KIAA1328: variants seen among roughly 807,000 people sequenced by gnomAD.
The protein encoded by KIAA1328 is protein hinderin.
In KIAA1328, 52 loss-of-function variants were observed where a neutral mutation model predicts 68.1. The ratio of observed to expected loss-of-function variants is 0.76; its 90% CI spans 0.61 to 0.96. The LOEUF (loss-of-function observed/expected upper bound fraction) is 0.96. Among genes scored for constraint, KIAA1328 ranks in the 40% least tolerant of loss-of-function variants. The probability of loss-of-function intolerance (pLI) is 0.00; values close to 1 mark genes in which losing one functional copy is unlikely to be tolerated. For missense variants in KIAA1328, 641 were observed against 677.6 expected, an observed-to-expected ratio of 0.95 and a Z score of 0.60; for synonymous variants, 232 against 239.4, an observed-to-expected ratio of 0.97 and a Z score of 0.28.
chr18:37,013,489 GC>G (rs2054045982), intron 6 of KIAA1328, among the ~76,000 whole-genome samples: 2 of 151,906 alleles, frequency 1.3e-5, no homozygotes, highest in Admixed American at 6.6e-5. Context: ...TTCATACTTT[GC>G]CCATCCCCCT....
At chr18:36,873,662 G>A (rs1261967797) in intron 4 of KIAA1328, among the ~76,000 whole-genome samples, 4 of 152,018 alleles carry the variant, frequency 2.6e-5, no homozygotes, top group Non-Finnish European at 5.9e-5. Flanking sequence ...ATTTTCTGTA[G>A]ATTCCCCAAT....
chr18:36,861,182 T>G (rs746304174), intron 4 of KIAA1328, among the ~76,000 whole-genome samples: 1 of 152,192 alleles, frequency 6.6e-6, no homozygotes, highest in South Asian at 2.1e-4. Flanking sequence ...TTCCAAGTCT[T>G]GACACTTTTG....
intron 7 of KIAA1328, among the ~76,000 whole-genome samples, chr18:37,096,857 C>T (rs1409077524): frequency 1.3e-5 from 2 of 152,154 alleles, no homozygotes; most frequent in Non-Finnish European, 2.9e-5. Flanking sequence ...TGTCTTTTGG[C>T]TGCATAAATG....
At chr18:36,853,137 A>G (rs906026228) in intron 4 of KIAA1328, among the ~76,000 whole-genome samples, 44 of 152,316 alleles carry the variant, frequency 2.9e-4, no homozygotes, top group African/African-American at 1.0e-3. Flanking sequence ...CTTGAATGGA[A>G]TAAATTTTTC....
intron 6 of KIAA1328, among the ~76,000 whole-genome samples, chr18:37,047,772 C>T (rs1477537016): frequency 6.6e-6 from 1 of 152,120 alleles, no homozygotes; most frequent in Non-Finnish European, 1.5e-5. Context: ...AAATGGTTTT[C>T]CCCTTTTGCC....
chr18:37,144,719 G>A (rs1317028815), intron 7 of KIAA1328, among the ~76,000 whole-genome samples: 1 of 151,824 alleles, frequency 6.6e-6, no homozygotes, highest in Admixed American at 6.6e-5. Context: ...TTGTAGAGTT[G>A]GGGTTTCGCC....
At chr18:37,045,587 A>T (rs1201982891) in intron 6 of KIAA1328, among the ~76,000 whole-genome samples, 2 of 152,078 alleles carry the variant, frequency 1.3e-5, no homozygotes, top group Non-Finnish European at 2.9e-5. Flanking sequence ...ATCAGTCATA[A>T]TCTTAAAACA....
chr18:37,010,219 C>T (rs1027508522), intron 6 of KIAA1328, among the ~76,000 whole-genome samples: 9 of 151,596 alleles, frequency 5.9e-5, no homozygotes, highest in African/African-American at 1.5e-4. Context: ...CCGAGGCGGG[C>T]GGATCACAAG....
At chr18:36,931,391 G>A (rs1322886905) in intron 5 of KIAA1328, among the ~76,000 whole-genome samples, 3 of 151,956 alleles carry the variant, frequency 2.0e-5, no homozygotes, top group South Asian at 2.1e-4. Context: ...CTGTACACGC[G>A]AGGGATCTAG....
chr18:37,228,334 A>G (rs2154228246), downstream of KIAA1328, among the ~76,000 whole-genome samples: 1 of 152,348 alleles, frequency 6.6e-6, no homozygotes, highest in Non-Finnish European at 1.5e-5. Flanking sequence ...AAGATGTTCT[A>G]CAGTGGGTAA....
At chr18:36,921,633 T>C (rs1436098363) in intron 5 of KIAA1328, among the ~76,000 whole-genome samples, 1 of 152,124 alleles carries the variant, frequency 6.6e-6, no homozygotes, top group East Asian at 1.9e-4. Context: ...CTCGATCACC[T>C]GACCTCGTGA....
chr18:36,932,698 A>AG (rs1204268614), intron 5 of KIAA1328, among the ~76,000 whole-genome samples: 2 of 152,204 alleles, frequency 1.3e-5, no homozygotes, highest in Non-Finnish European at 2.9e-5. Flanking sequence ...GAAGTCTCCA[A>AG]AACTCTCAAC....
chr18:36,943,384 T>A (rs1845807231), intron 5 of KIAA1328, among the ~76,000 whole-genome samples: 1 of 152,208 alleles, frequency 6.6e-6, no homozygotes, highest in African/African-American at 2.4e-5. Context: ...TCTGTGTGTC[T>A]TAAAACACAG....
chr18:36,856,323 C>T (rs895237415), intron 4 of KIAA1328, among the ~76,000 whole-genome samples: 2 of 151,942 alleles, frequency 1.3e-5, no homozygotes, highest in African/African-American at 4.8e-5. Context: ...CATGTTGATA[C>T]CCTCGATGTC....
At chr18:36,970,020 G>T (rs368302723) in intron 6 of KIAA1328, among the ~76,000 whole-genome samples, 1 of 152,126 alleles carries the variant, frequency 6.6e-6, no homozygotes, top group Non-Finnish European at 1.5e-5. Context: ...AAAATTTCAG[G>T]CCAATATCCC....
At chr18:37,025,806 T>G (rs896798101) in intron 6 of KIAA1328, among the ~76,000 whole-genome samples, 9 of 151,924 alleles carry the variant, frequency 5.9e-5, no homozygotes, top group African/African-American at 2.2e-4. Flanking sequence ...ACATCGCAAT[T>G]AAAAGAACTA....
intron 5 of KIAA1328, among the ~76,000 whole-genome samples, chr18:36,915,399 C>CAAT (rs2049651013): frequency 6.6e-6 from 1 of 152,040 alleles, no homozygotes; most frequent in Non-Finnish European, 1.5e-5. Context: ...AAAAACTATT[C>CAAT]TCCCGTAGGT....
intron 4 of KIAA1328, among the ~76,000 whole-genome samples, chr18:36,865,178 C>A (rs952044343): frequency 6.6e-6 from 1 of 151,638 alleles, no homozygotes; most frequent in African/African-American, 2.4e-5. Flanking sequence ...ATGCTATATA[C>A]CTTCTTCTCA....
At chr18:36,983,922 T>G (rs1182241312) in intron 6 of KIAA1328, among the ~76,000 whole-genome samples, 1 of 152,156 alleles carries the variant, frequency 6.6e-6, no homozygotes, top group Non-Finnish European at 1.5e-5. Flanking sequence ...TAGTGCCATT[T>G]ACTACAGGAA....
Sources: allele counts gnomAD v4.1 joint callset (sites outside exome capture counted in the v4.1 genomes callset), GRCh38; gene constraint gnomAD v4.1.1; transcripts MANE v1.5; gene names NCBI Gene and HGNC (gene_info 2026-07-23, HGNC 2026-07-21).